Variants in GMPS observed in about 807,000 individuals in gnomAD.
The protein encoded by GMPS is guanosine monophosphate synthase.
Under a neutral mutation model 77.9 loss-of-function variants are expected in GMPS, and 15 were observed. That is an observed-to-expected ratio of 0.19 (90% CI 0.13 to 0.30). The LOEUF is 0.30. Among genes scored for constraint, GMPS ranks in the 10% least tolerant of loss-of-function variants. GMPS has a pLI of 1.00. For missense variants in GMPS, 590 were observed against 838.8 expected (o/e 0.70, Z 3.66); for synonymous variants, 224 against 275.9 (o/e 0.81, Z 1.86).
chr3:155,883,123 G>A (rs1754248992), intron 1 of GMPS, among the ~76,000 whole-genome samples: 1 of 152,040 alleles, frequency 6.6e-6, no homozygotes, highest in South Asian at 2.1e-4. Context: ...CCAGGCTGGA[G>A]TGCAGTGGCA....
In GMPS at chr3:155,938,842, T is replaced by G; in HGVS notation, c.*1150T>G. 1 of 213,480 alleles carries G rather than the reference T, an allele frequency of 4.7e-6. No homozygotes were observed. The highest frequency in any genetic ancestry group is 9.5e-6 in the Non-Finnish European group (1 of 105,592). The allele number at this position is 213,480 out of a possible 1,614,324, so 13.2% of individuals were successfully genotyped here. On this transcript the variant is annotated 3_prime_UTR_variant, in exon 16 of 16. Transcript: ENST00000496455. ...CACCACCAGTTTCTAACAGATCTTT[T>G]ATAACATTCACATAAGTACTGTAGA...
chr3:155,932,561 A>G (rs1345296509), intron 13 of GMPS, among the ~76,000 whole-genome samples: 3 of 152,200 alleles, frequency 2.0e-5, no homozygotes, highest in Non-Finnish European at 2.9e-5. Context: ...ATCGTACCAT[A>G]TATAGTTCAA....
chr3:155,887,050 C>T (rs1207621909), intron 1 of GMPS, among the ~76,000 whole-genome samples: 1 of 152,022 alleles, frequency 6.6e-6, no homozygotes, highest in Non-Finnish European at 1.5e-5. Flanking sequence ...TTCAGAGATG[C>T]GTGGCTTCTT....
intron 6 of GMPS, 78 bp downstream of exon 6, chr3:155,910,963 G>A (rs1407056174): frequency 4.5e-6 from 5 of 1,105,772 alleles, no homozygotes; most frequent in South Asian, 1.6e-5. Flanking sequence ...CCTCAACACA[G>A]CCCTTAAATG....
intron 5 of GMPS, among the ~76,000 whole-genome samples, chr3:155,908,200 A>G (rs548474967): frequency 1.3e-5 from 2 of 152,346 alleles, no homozygotes; most frequent in Admixed American, 1.3e-4. Context: ...TAGATGCAGG[A>G]GGAAGATAAA....
chr3:155,901,411 A>G (rs781405872), intron 3 of GMPS, among the ~76,000 whole-genome samples: 1 of 152,058 alleles, frequency 6.6e-6, no homozygotes, highest in Admixed American at 6.5e-5. Flanking sequence ...AGTGTTCATA[A>G]TGTTGGCTTT....
At chr3:155,915,001 C>A (rs1215537041) in intron 8 of GMPS, among the ~76,000 whole-genome samples, 1 of 151,922 alleles carries the variant, frequency 6.6e-6, no homozygotes, top group Non-Finnish European at 1.5e-5. Flanking sequence ...ATCTCCTGAC[C>A]TCATGATCCG....
intron 13 of GMPS, among the ~76,000 whole-genome samples, chr3:155,933,549 C>A (rs1755683118): frequency 6.6e-6 from 1 of 152,148 alleles, no homozygotes; most frequent in Admixed American, 6.6e-5. Flanking sequence ...GGGACAAAAA[C>A]CTTGCTTCTG....
At chr3:155,920,698 A>G (rs1050289034) in intron 10 of GMPS, among the ~76,000 whole-genome samples, 27 of 151,756 alleles carry the variant, frequency 1.8e-4, no homozygotes, top group African/African-American at 6.5e-4. Flanking sequence ...TTAAAAATCT[A>G]TTTTGTATGT....
chr3:155,908,789 C>G (rs772985396), intron 5 of GMPS, among the ~76,000 whole-genome samples: 1 of 152,000 alleles, frequency 6.6e-6, no homozygotes, highest in Non-Finnish European at 1.5e-5. Flanking sequence ...TATTAAACAT[C>G]AAAACAAAGG....
Position 155,942,346 on chromosome 3 carries a change from T to C in GMPS, c.*4654T>C. ...CTCATGATCCGCCCGCCTCGGCCTC[T>C]CAGAGTGCTGGGATTACAGGCGTGA... On this transcript the variant is annotated 3_prime_UTR_variant, in exon 16 of 16. Coordinates refer to ENST00000496455, the MANE Select transcript of GMPS (RefSeq NM_003875.3). 1 of 198,554 alleles carries C rather than the reference T, an allele frequency of 5.0e-6. No individual in the cohort carries two copies. Among genetic ancestry groups the C allele is most frequent in the Non-Finnish European group, 1.0e-5 (1 of 96,236 alleles). 12.3% of individuals were successfully genotyped at this position (198,554 alleles called of 1,614,324 possible). A position where few individuals can be genotyped will look rare whatever the true frequency, so the allele number is the denominator to read the frequency against.
intron 1 of GMPS, among the ~76,000 whole-genome samples, chr3:155,873,638 C>CTTTTTTTTTTTTTTT (rs58365650): frequency 0.017 from 1,436 of 82,398 alleles, 386 homozygotes; most frequent in East Asian, 0.054. Context: ...TGAGTAAGTT[C>CTTTTTTTTTTTTTTT]TTTTTTTTTT....
Position 155,942,481 on chromosome 3 carries a change from C to G in GMPS, c.*4789C>G, listed in dbSNP as rs569679189. On this transcript the variant is annotated 3_prime_UTR_variant, in exon 16 of 16. Coordinates refer to ENST00000496455, the MANE Select transcript of GMPS (RefSeq NM_003875.3). ...ATCAAACTCATAGGTGAATCTTTGT[C>G]AAACCTATAGGAGAGAGATGCAGGC... 4.4e-5 allele frequency: 10 copies of G among 225,002 alleles called. No individual in the cohort carries two copies. The highest frequency in any genetic ancestry group is 2.2e-4 in the African/African-American group (10 of 44,948). The allele number at this position is 225,002 out of a possible 1,614,324, so 13.9% of individuals were successfully genotyped here.
At chr3:155,914,061 C>T (rs563319578) in intron 7 of GMPS, among the ~76,000 whole-genome samples, 42 of 152,176 alleles carry the variant, frequency 2.8e-4, no homozygotes, top group African/African-American at 9.2e-4. Flanking sequence ...ATTCTCCTGC[C>T]TCGGCTTCCC....
At chr3:155,911,004 C>A (rs1488203629) in intron 6 of GMPS, 110 bp from the exon 7 acceptor site, 1 of 1,088,462 alleles carries the variant, frequency 9.2e-7, no homozygotes, top group Admixed American at 2.4e-5. Context: ...TTTCCAGTTA[C>A]CATACATATC....
intron 3 of GMPS, 119 bp downstream of exon 3, chr3:155,898,160 G>A: frequency 1.4e-6 from 1 of 698,612 alleles, no homozygotes; most frequent in Non-Finnish European, 2.6e-6. Flanking sequence ...GAGATAACTT[G>A]TGCATGTTAC....
At chr3:155,874,181 G>A (rs939876172) in intron 1 of GMPS, among the ~76,000 whole-genome samples, 13 of 152,138 alleles carry the variant, frequency 8.5e-5, no homozygotes, top group Non-Finnish European at 5.9e-5. Flanking sequence ...TTTTATTAAG[G>A]CAGCATTATC....
At chr3:155,912,594 T>C (rs997145532) in intron 7 of GMPS, among the ~76,000 whole-genome samples, 1 of 152,258 alleles carries the variant, frequency 6.6e-6, no homozygotes, top group Non-Finnish European at 1.5e-5. Context: ...TAGTGGTATA[T>C]ATGTGATTTG....
intron 1 of GMPS, among the ~76,000 whole-genome samples, chr3:155,880,588 C>T (rs1754187742): frequency 6.6e-6 from 1 of 152,198 alleles, no homozygotes. Context: ...ATGTAACCAT[C>T]ACCCCAATCA....
Sources: allele counts gnomAD v4.1 joint callset (sites outside exome capture counted in the v4.1 genomes callset), GRCh38; gene constraint gnomAD v4.1.1; transcripts MANE v1.5; gene names NCBI Gene and HGNC (gene_info 2026-07-23, HGNC 2026-07-21).